CDH10: variants seen among roughly 807,000 people sequenced by gnomAD.
CDH10 encodes cadherin-10.
Under a neutral mutation model 73.1 loss-of-function variants are expected in CDH10, and 30 were observed. That is an observed-to-expected ratio of 0.41 (90% CI 0.31 to 0.56). The LOEUF is 0.56. CDH10 is among the 20% of genes least tolerant of loss of function. The pLI is 0.27. For missense variants in CDH10, 815 were observed against 973.7 expected (o/e 0.84, Z 2.17); for synonymous variants, 345 against 348.2 (o/e 0.99, Z 0.10).
At chr5:24,607,648 G>A (rs1462020530) in intron 1 of CDH10, among the ~76,000 whole-genome samples, 1 of 152,112 alleles carries the variant, frequency 6.6e-6, no homozygotes, top group Non-Finnish European at 1.5e-5. Context: ...ATGTCCGTTA[G>A]TTTTTTATGA....
intron 2 of CDH10, among the ~76,000 whole-genome samples, chr5:24,569,766 C>CT (rs112375331): frequency 0.044 from 6,296 of 142,178 alleles, 402 homozygotes; most frequent in African/African-American, 0.14. Flanking sequence ...CAAATGTGTG[C>CT]TTTTTTTTTT....
chr5:24,554,374 T>C (rs1193508810), intron 2 of CDH10, among the ~76,000 whole-genome samples: 2 of 152,056 alleles, frequency 1.3e-5, no homozygotes, highest in African/African-American at 4.8e-5. Context: ...AAAATTACAT[T>C]GCATAATATC....
At chr5:24,532,492 G>A (rs1411657004) in intron 5 of CDH10, among the ~76,000 whole-genome samples, 1 of 152,042 alleles carries the variant, frequency 6.6e-6, no homozygotes, top group Non-Finnish European at 1.5e-5. Flanking sequence ...GACTCACACA[G>A]GATGACTGCA....
At chr5:24,610,174 T>C (rs1010176666) in intron 1 of CDH10, among the ~76,000 whole-genome samples, 29 of 152,284 alleles carry the variant, frequency 1.9e-4, no homozygotes, top group African/African-American at 6.7e-4. Flanking sequence ...TGCCAATTAT[T>C]CCATGACAAC....
intron 8 of CDH10, among the ~76,000 whole-genome samples, chr5:24,499,031 TA>T (rs1742396165): frequency 6.6e-6 from 1 of 152,186 alleles, no homozygotes; most frequent in African/African-American, 2.4e-5. Flanking sequence ...GAAATAGTTT[TA>T]AATAAATTGG....
intron 5 of CDH10, among the ~76,000 whole-genome samples, chr5:24,531,229 T>C (rs557310622): frequency 1.3e-5 from 2 of 152,070 alleles, no homozygotes; most frequent in Non-Finnish European, 2.9e-5. Context: ...CAAATCCTGC[T>C]TACATTGGAA....
intron 1 of CDH10, among the ~76,000 whole-genome samples, chr5:24,598,492 T>G (rs1746447618): frequency 6.6e-6 from 1 of 151,862 alleles, no homozygotes; most frequent in African/African-American, 2.4e-5. Flanking sequence ...ATATTATAAT[T>G]ATTTGTAAAA....
At chr5:24,524,832 T>C (rs1182462986) in intron 5 of CDH10, among the ~76,000 whole-genome samples, 4 of 152,118 alleles carry the variant, frequency 2.6e-5, no homozygotes, top group Non-Finnish European at 4.4e-5. Flanking sequence ...ATAAGTGCAC[T>C]TTCATCCTGA....
intron 2 of CDH10, among the ~76,000 whole-genome samples, chr5:24,568,422 A>T (rs1745241571): frequency 1.3e-5 from 2 of 152,316 alleles, no homozygotes; most frequent in African/African-American, 4.8e-5. Flanking sequence ...CATTAGGGAA[A>T]TGCAAATCAA....
chr5:24,632,480 A>C (rs1910963), intron 1 of CDH10, among the ~76,000 whole-genome samples: 152,096 of 152,110 alleles, frequency 1, 76,041 homozygotes, highest in Non-Finnish European at 1. Context: ...ATAGTAATAT[A>C]TCTCAGAATA....
At chr5:24,492,761 G>A (rs1256918246) in intron 10 of CDH10, 56 bp downstream of exon 10, 22 of 776,828 alleles carry the variant, frequency 2.8e-5, no homozygotes, top group Non-Finnish European at 3.3e-5. Context: ...GGTTACACTC[G>A]GGAAATTTCC....
chr5:24,600,212 CAT>C (rs1412140858), intron 1 of CDH10, among the ~76,000 whole-genome samples: 2 of 152,134 alleles, frequency 1.3e-5, no homozygotes, highest in African/African-American at 4.8e-5. Context: ...GAATCCGAAA[CAT>C]GTTATTAGTT....
chr5:24,512,982 CTTGCTTTCTCTCTTTCT>C (rs368328969), intron 5 of CDH10, among the ~76,000 whole-genome samples: 63 of 148,554 alleles, frequency 4.2e-4, no homozygotes, highest in Middle Eastern at 3.6e-3. Context: ...ACTATTTCTT[CTTGCTTTCTCTCTTTCT>C]TTTCTTTTCT....
intron 1 of CDH10, among the ~76,000 whole-genome samples, chr5:24,593,922 TC>T (rs1561185873): frequency 6.6e-6 from 1 of 151,932 alleles, no homozygotes; most frequent in Non-Finnish European, 1.5e-5. Flanking sequence ...GAGATATAGT[TC>T]ATTCTGCATG....
intron 5 of CDH10, among the ~76,000 whole-genome samples, chr5:24,516,325 T>G (rs1273761138): frequency 6.6e-6 from 1 of 152,076 alleles, no homozygotes; most frequent in African/African-American, 2.4e-5. Context: ...TAAGTTACCA[T>G]TTTTTTCATA....
chr5:24,630,871 C>CA (rs540921786), intron 1 of CDH10, among the ~76,000 whole-genome samples: 193 of 149,364 alleles, frequency 1.3e-3, no homozygotes, highest in South Asian at 9.7e-3. Context: ...TTTGTAATTG[C>CA]AAAAAAAAAT....
chr5:24,497,814 G>C (rs1246660847), intron 9 of CDH10, among the ~76,000 whole-genome samples: 1 of 152,112 alleles, frequency 6.6e-6, no homozygotes, highest in Non-Finnish European at 1.5e-5. Flanking sequence ...CTGAGGAAAA[G>C]ACTTACAGAA....
chr5:24,641,449 A>G (rs1748046779), intron 1 of CDH10, among the ~76,000 whole-genome samples: 1 of 152,066 alleles, frequency 6.6e-6, no homozygotes. Flanking sequence ...AGAAAGGAAA[A>G]AGGCAGATTT....
chr5:24,632,160 T>C (rs1747723504), intron 1 of CDH10, among the ~76,000 whole-genome samples: 1 of 152,034 alleles, frequency 6.6e-6, no homozygotes, highest in Non-Finnish European at 1.5e-5. Context: ...TTTTGGGTTG[T>C]TTCTTGGTTT....
Sources: gnomAD v4.1 joint callset for allele counts (sites outside exome capture counted in the v4.1 genomes callset) on GRCh38, gnomAD v4.1.1 for gene constraint, MANE v1.5 for transcripts, NCBI Gene and HGNC (gene_info 2026-07-23, HGNC 2026-07-21) for gene names.